Variants in MAST4 observed in about 807,000 individuals in gnomAD.
MAST4 encodes microtubule associated serine/threonine kinase family member 4.
In MAST4, 89 loss-of-function variants were observed where a neutral mutation model predicts 162.7. The observed-to-expected ratio is 0.55, with a 90% CI of 0.46 to 0.65. The LOEUF (loss-of-function observed/expected upper bound fraction) is 0.65. Ranked by LOEUF, MAST4 falls within the 30% of genes least tolerant of loss-of-function variation. The pLI, the probability that MAST4 is intolerant of heterozygous loss-of-function variation, is 0.00. For missense variants in MAST4, 3,153 were observed against 3,374.0 expected, an observed-to-expected ratio of 0.93 and a Z score of 1.62; for synonymous variants, 1,479 against 1,361.1, an observed-to-expected ratio of 1.09 and a Z score of -1.91.
Position 66,828,937 on chromosome 5 carries a change from G to A in MAST4, c.642+40143G>A, listed in dbSNP as rs929162448. The A allele has an allele frequency of 3.6e-6, 5 of 1,398,046 alleles. No homozygotes were observed. In the African/African-American group the frequency reaches 4.3e-5, roughly 12 times the overall value. The allele number at this position is 1,398,046 out of a possible 1,614,324, so 86.6% of individuals were successfully genotyped here. On this transcript the variant is annotated intron_variant, in intron 3 of 28. Transcript: ENST00000403625. ...GCATTGTCAGTGGCCAGCCATTGAG[G>A]ATTTCAAAGTTCCCTTGTCATTCCT...
intron 14 of MAST4, 116 bp from the exon 15 acceptor site, chr5:67,130,094 A>G: frequency 2.2e-6 from 2 of 900,366 alleles, no homozygotes; most frequent in Non-Finnish European, 3.4e-6. Flanking sequence ...TGTGAGCTAC[A>G]TTCCACCTGC....
chr5:67,017,028 T>C (rs1753373395), intron 4 of MAST4, among the ~76,000 whole-genome samples: 1 of 152,234 alleles, frequency 6.6e-6, no homozygotes, highest in Admixed American at 6.5e-5. Flanking sequence ...AAGGTGCTAT[T>C]GCTAACTGTT....
chr5:66,986,462 T>C (rs750612322), intron 4 of MAST4: 1 of 1,573,264 alleles, frequency 6.4e-7, no homozygotes, highest in Admixed American at 1.8e-5. Flanking sequence ...GTCCAAATGC[T>C]GGGAGAACAT....
intron 4 of MAST4, among the ~76,000 whole-genome samples, chr5:66,979,566 T>A (rs575026168): frequency 6.6e-6 from 1 of 152,190 alleles, no homozygotes; most frequent in Non-Finnish European, 1.5e-5. Context: ...TAGAGAATGA[T>A]CCTTGGTTGT....
chr5:66,867,112 A>G (rs1760585602), intron 3 of MAST4, among the ~76,000 whole-genome samples: 1 of 152,156 alleles, frequency 6.6e-6, no homozygotes, highest in Non-Finnish European at 1.5e-5. Flanking sequence ...GAGGCCCTCA[A>G]ATATATGCTC....
At chr5:66,672,263 C>G (rs1331829409) in intron 1 of MAST4, among the ~76,000 whole-genome samples, 2 of 152,210 alleles carry the variant, frequency 1.3e-5, no homozygotes, top group Non-Finnish European at 2.9e-5. Flanking sequence ...CTGCCGCTAA[C>G]TATTGACACC....
At chr5:66,622,189 C>G (rs930049691) in intron 1 of MAST4, among the ~76,000 whole-genome samples, 2 of 151,974 alleles carry the variant, frequency 1.3e-5, no homozygotes, top group African/African-American at 2.4e-5. Context: ...GTGAAAGTGA[C>G]TTGTGTAAAG....
intron 4 of MAST4, among the ~76,000 whole-genome samples, chr5:66,976,416 T>G (rs1417503963): frequency 6.6e-6 from 1 of 152,210 alleles, no homozygotes; most frequent in Non-Finnish European, 1.5e-5. Context: ...TCATTTTGCT[T>G]CTGTGAGCCA....
chr5:67,108,246 G>T (rs896214172), intron 10 of MAST4, among the ~76,000 whole-genome samples: 2 of 152,050 alleles, frequency 1.3e-5, no homozygotes, highest in African/African-American at 2.4e-5. Flanking sequence ...ATGTGTTTAG[G>T]CTTTTCAGAT....
chr5:67,004,865 C>A, intron 4 of MAST4: 1 of 635,008 alleles, frequency 1.6e-6, no homozygotes. Context: ...ATCACATTTT[C>A]TCTGGAGGGA....
rs61577523 is a variant in MAST4, at chr5:67,148,422, C to T, written c.3095-967C>T. 1.0e-2 allele frequency among the ~76,000 whole-genome samples: 1,521 copies of T among 152,284 alleles called. 21 individuals carry two copies. The highest frequency in any genetic ancestry group is 0.035 in the African/African-American group (1,455 of 41,542). ...AGCTGTTCAGCTTCCTTCTGGGGGA[C>T]TCAAAATGTCACCCTGCTGCAGAGC... On this transcript the variant is annotated intron_variant, in intron 23 of 28. Coordinates refer to ENST00000403625, the MANE Select transcript of MAST4 (RefSeq NM_001164664.2).
chr5:66,728,645 CAAATCATTAGTA>C (rs958316583), intron 1 of MAST4, among the ~76,000 whole-genome samples: 2 of 152,102 alleles, frequency 1.3e-5, no homozygotes, highest in African/African-American at 4.8e-5. Context: ...GAGTTTAGCT[CAAATCATTAGTA>C]AAAGTCTACG....
At chr5:66,977,441 A>C (rs1748292396) in intron 4 of MAST4, among the ~76,000 whole-genome samples, 1 of 152,170 alleles carries the variant, frequency 6.6e-6, no homozygotes, top group Non-Finnish European at 1.5e-5. Context: ...CTCTTGATTG[A>C]GAAAGTAGAA....
At position 67,015,814 on chromosome 5, in the gene MAST4, A is replaced by G. The variant is rs558613385; in HGVS notation, c.675-38590A>G. On this transcript the variant is annotated intron_variant, in intron 4 of 28. Coordinates refer to ENST00000403625, the MANE Select transcript of MAST4 (RefSeq NM_001164664.2). ...TGGAGGGGCTATTTATGAGTCATGC[A>G]TCTCTCTGTGACCCTTTTACTGCTT... Among the ~76,000 whole-genome samples, 23 of 152,352 alleles carry G rather than the reference A, an allele frequency of 1.5e-4. No homozygotes were observed. In the South Asian group the frequency reaches 4.8e-3, roughly 32 times the overall value.
At chr5:67,071,725 G>A (rs1021465889) in intron 5 of MAST4, among the ~76,000 whole-genome samples, 47 of 152,066 alleles carry the variant, frequency 3.1e-4, no homozygotes, top group African/African-American at 9.7e-4. Context: ...GTGCTGCTGC[G>A]CTCCAGCCTG....
chr5:67,125,020 G>A (rs1048946528), intron 14 of MAST4, among the ~76,000 whole-genome samples: 11 of 152,066 alleles, frequency 7.2e-5, no homozygotes, highest in African/African-American at 1.9e-4. Context: ...AATCAGAATG[G>A]CCACCTTGTG....
At chr5:66,813,522 C>T (rs955590024) in intron 3 of MAST4, among the ~76,000 whole-genome samples, 1 of 152,190 alleles carries the variant, frequency 6.6e-6, no homozygotes, top group Non-Finnish European at 1.5e-5. Context: ...ACTTTTCGGC[C>T]ATCTCTGCTC....
intron 3 of MAST4, among the ~76,000 whole-genome samples, chr5:66,892,092 A>G (rs1448194100): frequency 1.3e-5 from 2 of 152,196 alleles, no homozygotes; most frequent in Non-Finnish European, 2.9e-5. Flanking sequence ...TTTGCATCTT[A>G]TGCATCATTA....
In MAST4 at chr5:67,166,872, C is replaced by T; in HGVS notation, c.7693C>T (p.Pro2565Ser). The T allele has an allele frequency of 1.2e-6, 2 of 1,608,152 alleles. No homozygotes were observed. Among genetic ancestry groups the T allele is most frequent in the Non-Finnish European group, 1.7e-6 (2 of 1,177,588 alleles). ...CGTAGGGGAAACCAAAGGGAAGGAC[C>T]CTGCCCCAGCCCAGCCTCCCCCAGC... is the stretch of plus-strand genomic sequence containing the variant. ...ATVGETKGKD[P>S]APAQPPPARK... The change falls in exon 29 of 29, where the codon CCT becomes TCT. Residue 2565 changes from proline to serine, a missense_variant. By Grantham distance (74) the Pro-to-Ser change is moderately conservative. Around this residue, in one of 7 missense-constraint regions of MAST4, gnomAD observed 1,644 missense variants for 1,495.0 expected, o/e 1.10. Transcript: ENST00000403625.
Sources: gnomAD v4.1 joint callset for allele counts (sites outside exome capture counted in the v4.1 genomes callset) on GRCh38, gnomAD v4.1.1 for gene constraint, gnomAD v4.1.1 regional missense constraint, MANE v1.5 for transcripts, NCBI Gene and HGNC (gene_info 2026-07-23, HGNC 2026-07-21) for gene names.